Variants in TMEM135 observed in about 807,000 individuals in gnomAD.
The protein encoded by TMEM135 is transmembrane protein 135.
In TMEM135, 30 loss-of-function variants were observed where a neutral mutation model predicts 60.3. That is an observed-to-expected ratio of 0.50 (90% confidence interval 0.37 to 0.68). The LOEUF is 0.68. TMEM135 is among the 30% of genes least tolerant of loss of function. The pLI, the probability that TMEM135 is intolerant of heterozygous loss-of-function variation, is 0.00. For synonymous variants in TMEM135, 190 were observed against 186.7 expected (o/e 1.02, Z -0.14); for missense variants, 468 against 548.8 (o/e 0.85, Z 1.47).
At chr11:87,283,123 T>A (rs1307708926) in intron 6 of TMEM135, among the ~76,000 whole-genome samples, 2 of 151,566 alleles carry the variant, frequency 1.3e-5, no homozygotes, top group East Asian at 2.0e-4. Flanking sequence ...TCACCTGAGG[T>A]CGGGAGTTCG....
chr11:87,172,462 G>A (rs1037971699), intron 5 of TMEM135, among the ~76,000 whole-genome samples: 5 of 151,432 alleles, frequency 3.3e-5, no homozygotes, highest in Admixed American at 6.6e-5. Flanking sequence ...ATTACGACAC[G>A]GTATTAGGTA....
At chr11:87,172,226 T>C (rs1939256277) in intron 5 of TMEM135, among the ~76,000 whole-genome samples, 1 of 152,176 alleles carries the variant, frequency 6.6e-6, no homozygotes, top group East Asian at 1.9e-4. Context: ...TTTTAATACT[T>C]AGCTACTGTT....
chr11:87,248,409 T>G (rs192962984), intron 6 of TMEM135, among the ~76,000 whole-genome samples: 1 of 152,354 alleles, frequency 6.6e-6, no homozygotes, highest in East Asian at 1.9e-4. Flanking sequence ...TAGGGTGAGA[T>G]GATATCTCAT....
At chr11:87,159,593 G>GCACACACACACACACA (rs146638445) in intron 5 of TMEM135, among the ~76,000 whole-genome samples, 6 of 124,964 alleles carry the variant, frequency 4.8e-5, no homozygotes, top group African/African-American at 1.7e-4. Flanking sequence ...ACACACACGC[G>GCACACACACACACACA]CACACACACA....
At chr11:87,176,986 A>G (rs1202142720) in intron 5 of TMEM135, among the ~76,000 whole-genome samples, 1 of 152,194 alleles carries the variant, frequency 6.6e-6, no homozygotes, top group Non-Finnish European at 1.5e-5. Context: ...TCTGGCTTTA[A>G]TATTAATATA....
chr11:87,177,169 A>G (rs942190154), intron 5 of TMEM135, among the ~76,000 whole-genome samples: 2 of 152,108 alleles, frequency 1.3e-5, no homozygotes, highest in Non-Finnish European at 2.9e-5. Context: ...GCACTTTACC[A>G]TTGCCTCGCC....
In TMEM135 at chr11:87,327,327, A is replaced by C. The variant is rs564906391; in HGVS notation, c.*5994A>C. On this transcript the variant is annotated 3_prime_UTR_variant, in exon 15 of 15. Coordinates refer to ENST00000305494, the MANE Select transcript of TMEM135 (RefSeq NM_022918.4). ...TGTGGCAGCAATCTTGCAGACATGA[A>C]ATGAAAAGTACAAACATGAAAAACC... 7 of 454,046 alleles carry C rather than the reference A, an allele frequency of 1.5e-5. No homozygotes were observed. Among genetic ancestry groups the C allele is most frequent in the South Asian group, 1.1e-4 (7 of 64,470 alleles). The allele number at this position is 454,046 out of a possible 1,614,324, so 28.1% of individuals were successfully genotyped here.
At chr11:87,042,231 A>AGGTCTGTCTGTCTAGATTCTTCTT (rs1949756013) in intron 1 of TMEM135, among the ~76,000 whole-genome samples, 1 of 152,216 alleles carries the variant, frequency 6.6e-6, no homozygotes, top group African/African-American at 2.4e-5. Flanking sequence ...TGGGGAAGCA[A>AGGTCTGTCTGTCTAGATTCTTCTT]GGTCTGTCTG....
chr11:87,165,899 A>G (rs1939028211), intron 5 of TMEM135, among the ~76,000 whole-genome samples: 1 of 150,874 alleles, frequency 6.6e-6, no homozygotes, highest in Non-Finnish European at 1.5e-5. Context: ...AAAAAATGAT[A>G]AAGGGGATAT....
rs376490084 is a variant in TMEM135 at position 87,105,065 on chromosome 11, G to A, written c.396+13670G>A. On this transcript the variant is annotated intron_variant, in intron 4 of 14. Coordinates refer to ENST00000305494, the MANE Select transcript of TMEM135 (RefSeq NM_022918.4). ...GTTAGCCGTGGGCTTGTCATATATGGCCTTTATTGTGTTGAGGTACATTCC... is the reference window on the plus strand; with the variant it reads ...GTTAGCCGTGGGCTTGTCATATATGACCTTTATTGTGTTGAGGTACATTCC... 7.2e-5 allele frequency among the ~76,000 whole-genome samples: 11 copies of A among 152,238 alleles called. No individual in the cohort carries two copies. The East Asian group carries it at 2.1e-3, about 29-fold the overall frequency.
At chr11:87,078,445 G>A (rs931819211) in intron 3 of TMEM135, among the ~76,000 whole-genome samples, 1 of 152,046 alleles carries the variant, frequency 6.6e-6, no homozygotes, top group Non-Finnish European at 1.5e-5. Flanking sequence ...TTATTGAGTT[G>A]TAAGGGTTCT....
At position 87,263,161 on chromosome 11, in the gene TMEM135, C is replaced by T. The variant is rs776480805; in HGVS notation, c.509+26477C>T. ...AATATGAAGAGAGGTGTATGTGGTC[C>T]TATTTGGAGTAGTGTTTTATTTTTG... On this transcript the variant is annotated intron_variant, in intron 6 of 14. Coordinates refer to ENST00000305494, the MANE Select transcript of TMEM135 (RefSeq NM_022918.4). Among the ~76,000 whole-genome samples, 15 of 151,994 alleles carry T rather than the reference C, an allele frequency of 9.9e-5. 1 individual carries two copies. The highest frequency in any genetic ancestry group is 1.9e-4 in the Non-Finnish European group (13 of 67,992).
In TMEM135 at chr11:87,038,113, G is replaced by A; in HGVS notation, c.68G>A (p.Cys23Tyr). The A allele has an allele frequency of 6.2e-7, 1 of 1,614,156 alleles. No individual in the cohort carries two copies. The highest frequency in any genetic ancestry group is 8.5e-7 in the Non-Finnish European group (1 of 1,180,032). The change falls in exon 1 of 15, where the codon TGC becomes TAC. Residue 23 changes from cysteine to tyrosine, a missense_variant. Transcript: ENST00000305494. ...YEIGHTWHPS[C>Y]RVSFLQITGG... ...ATCGGCCACACTTGGCACCCTTCCT[G>A]CCGGGTCTCCTTCCTGCAGATCACC...
chr11:87,321,829 ACT>A lies in TMEM135; in HGVS notation c.*500_*501del. 2.2e-6 allele frequency: 1 copy of A among 454,376 alleles called. No homozygotes were observed. The highest frequency in any genetic ancestry group is 1.6e-5 in the South Asian group (1 of 64,476). 28.1% of individuals were successfully genotyped at this position (454,376 alleles called of 1,614,324 possible). On this transcript the variant is annotated 3_prime_UTR_variant, in exon 15 of 15. Coordinates refer to ENST00000305494, the MANE Select transcript of TMEM135 (RefSeq NM_022918.4). Reference sequence around the variant, plus strand: ...AGTGGAATGTTATAGATTTGAAGTAACTCTCCACGGACAGTGCTGCTTTCGTG... The same window carrying A: ...AGTGGAATGTTATAGATTTGAAGTAACTCCACGGACAGTGCTGCTTTCGTG...
intron 1 of TMEM135, among the ~76,000 whole-genome samples, chr11:87,056,333 C>T (rs1458291035): frequency 1.3e-5 from 2 of 152,192 alleles, no homozygotes; most frequent in African/African-American, 4.8e-5. Context: ...AATGGAGCCT[C>T]TCTGGCTTGA....
intron 4 of TMEM135, among the ~76,000 whole-genome samples, chr11:87,106,930 C>A (rs530196755): frequency 1.3e-5 from 2 of 152,200 alleles, no homozygotes; most frequent in South Asian, 4.2e-4. Flanking sequence ...AAGTGGGAGC[C>A]AGCATGTCAC....
intron 6 of TMEM135, among the ~76,000 whole-genome samples, chr11:87,249,213 T>C (rs916670641): frequency 1.3e-5 from 2 of 152,178 alleles, no homozygotes; most frequent in African/African-American, 4.8e-5. Context: ...TTCACTATGA[T>C]ACTATCTGTG....
chr11:87,088,326 C>T (rs1402025246), intron 3 of TMEM135, among the ~76,000 whole-genome samples: 1 of 152,140 alleles, frequency 6.6e-6, no homozygotes, highest in African/African-American at 2.4e-5. Flanking sequence ...CAACCAGTCT[C>T]TCCAGTTGTG....
chr11:87,249,719 A>G (rs1046768855), intron 6 of TMEM135, among the ~76,000 whole-genome samples: 1 of 152,046 alleles, frequency 6.6e-6, no homozygotes, highest in African/African-American at 2.4e-5. Context: ...TTGGTTTGCT[A>G]GTATTTTGTT....
Sources: gnomAD v4.1 joint callset for allele counts (sites outside exome capture counted in the v4.1 genomes callset) on GRCh38, gnomAD v4.1.1 for gene constraint, MANE v1.5 for transcripts, NCBI Gene and HGNC (gene_info 2026-07-23, HGNC 2026-07-21) for gene names.